KLF17: variants seen among roughly 807,000 people sequenced by gnomAD.
KLF17 encodes Krueppel-like factor 17.
A neutral mutation model predicts 34.2 loss-of-function variants in KLF17; 31 were observed. That is an observed-to-expected ratio of 0.91 (90% CI 0.68 to 1.22). The LOEUF (loss-of-function observed/expected upper bound fraction) is 1.22. Among genes scored for constraint, KLF17 ranks in the 50% most tolerant of loss-of-function variants. The pLI is 0.00. For synonymous variants in KLF17, 179 were observed against 186.7 expected (o/e 0.96, Z 0.34); for missense variants, 478 against 505.2 (o/e 0.95, Z 0.52).
At chr1:44,100,843 G>A in the KLF17 span, among the ~76,000 whole-genome samples, 6 of 152,098 alleles carry the variant, frequency 3.9e-5, 1 homozygote, top group South Asian at 6.2e-4. Context: ...TTAGACAAAA[G>A]TATAATGACA....
chr1:44,107,580 C>T, the KLF17 span, among the ~76,000 whole-genome samples: 4 of 152,236 alleles, frequency 2.6e-5, no homozygotes, highest in South Asian at 2.1e-4. Flanking sequence ...AATTCCACTC[C>T]GTCCTGCTCA....
At position 44,132,895 on chromosome 1, in the gene KLF17, G is replaced by A. The variant is rs115821865; in HGVS notation, c.*1-343G>A. Among the ~76,000 whole-genome samples the A allele has an allele frequency of 2.9e-3, 449 of 152,300 alleles. 2 individuals are homozygous for A. The highest frequency in any genetic ancestry group is 9.7e-3 in the African/African-American group (402 of 41,570). On this transcript the variant is annotated intron_variant, in intron 3 of 3. Coordinates refer to ENST00000372299, the MANE Select transcript of KLF17 (RefSeq NM_173484.4). ...GCAGGCTGTTTTACTCCAGGAAATT[G>A]ATAGAGAGAAAGGAACTTGGCCAAG...
At chr1:44,087,117 G>A in the KLF17 span, among the ~76,000 whole-genome samples, 11 of 152,270 alleles carry the variant, frequency 7.2e-5, no homozygotes, top group East Asian at 1.9e-3. Context: ...TACAGTTGAG[G>A]GTAATTGCAA....
At chr1:44,118,777 C>G (rs1161039497), upstream of KLF17, 1 of 693,516 alleles carries the variant, frequency 1.4e-6, no homozygotes, top group African/African-American at 1.9e-5. Flanking sequence ...CTGACCCCGC[C>G]CCTTGGCGCA....
the KLF17 span, chr1:44,105,613 G>A: frequency 1.3e-5 from 2 of 152,078 alleles, no homozygotes; most frequent in Non-Finnish European, 2.9e-5. Context: ...CATTTTGCAT[G>A]TATATATTTT....
At chr1:44,075,014 G>A in the KLF17 span, 1 of 152,142 alleles carries the variant, frequency 6.6e-6, no homozygotes, top group East Asian at 1.9e-4. Context: ...TATCAAGGTG[G>A]GGTGCGACGG....
At chr1:44,046,216 CT>C in the KLF17 span, 23,180 of 137,842 alleles carry the variant, frequency 0.17, 1,821 homozygotes, top group East Asian at 0.25. Context: ...GTTCTAAGCA[CT>C]TTTTTTTTTT....
chr1:44,122,492 CAA>C (rs1337787627), intron 1 of KLF17: 1 of 1,059,550 alleles, frequency 9.4e-7, no homozygotes, highest in East Asian at 2.4e-5. Flanking sequence ...TCAATTTCAT[CAA>C]AAATCTCACG....
the KLF17 span, among the ~76,000 whole-genome samples, chr1:44,099,870 A>G: frequency 8.4e-4 from 55 of 65,446 alleles, no homozygotes; most frequent in South Asian, 4.7e-3. Context: ...AGAAAGAAAG[A>G]AAGAAAGAAA....
At chr1:44,096,539 C>A in the KLF17 span, among the ~76,000 whole-genome samples, 1 of 151,712 alleles carries the variant, frequency 6.6e-6, no homozygotes, top group African/African-American at 2.4e-5. Flanking sequence ...GCTGGGACTA[C>A]AGGCGCCCAC....
At chr1:44,099,665 T>G in the KLF17 span, among the ~76,000 whole-genome samples, 1 of 147,402 alleles carries the variant, frequency 6.8e-6, no homozygotes, top group Non-Finnish European at 1.5e-5. Context: ...AGTAGAAAAA[T>G]TAGCTGGGTG....
At chr1:44,074,229 C>T in the KLF17 span, among the ~76,000 whole-genome samples, 1 of 152,066 alleles carries the variant, frequency 6.6e-6, no homozygotes, top group African/African-American at 2.4e-5. Context: ...CATCCTCACC[C>T]CATGTGTACC....
chr1:44,047,773 T>C, the KLF17 span, among the ~76,000 whole-genome samples: 2 of 152,196 alleles, frequency 1.3e-5, no homozygotes, highest in East Asian at 3.9e-4. Context: ...TAGAAACACA[T>C]GGGTAGCTTA....
chr1:44,127,810 TCTTGTG>T (rs2088045282), intron 1 of KLF17, among the ~76,000 whole-genome samples: 1 of 150,890 alleles, frequency 6.6e-6, no homozygotes, highest in Admixed American at 6.6e-5. Flanking sequence ...ATCTTTTCTT[TCTTGTG>T]TTTGATTGTT....
chr1:44,111,463 GTTT>G, the KLF17 span, among the ~76,000 whole-genome samples: 4 of 90,476 alleles, frequency 4.4e-5, no homozygotes, highest in South Asian at 4.0e-4. Flanking sequence ...TTTGCAACTT[GTTT>G]TTTTTTTTTT....
the KLF17 span, among the ~76,000 whole-genome samples, chr1:44,094,126 C>T: frequency 2.6e-5 from 4 of 152,120 alleles, no homozygotes; most frequent in Non-Finnish European, 5.9e-5. Flanking sequence ...GACTGTTGAC[C>T]ATTAGTATGT....
chr1:44,046,475 C>T, the KLF17 span, among the ~76,000 whole-genome samples: 1 of 151,600 alleles, frequency 6.6e-6, no homozygotes, highest in Non-Finnish European at 1.5e-5. Context: ...TCTTCCTTGG[C>T]CTCCCAAAGT....
the KLF17 span, among the ~76,000 whole-genome samples, chr1:44,112,596 C>T: frequency 0.043 from 6,528 of 151,970 alleles, 194 homozygotes; most frequent in South Asian, 0.093. Context: ...TTTGAAGAGA[C>T]GGGGTCTTGC....
At chr1:44,093,199 T>G in the KLF17 span, among the ~76,000 whole-genome samples, 1 of 152,022 alleles carries the variant, frequency 6.6e-6, no homozygotes, top group African/African-American at 2.4e-5. Flanking sequence ...TCTACCAACC[T>G]AAGTCCAGCT....
Sources: gnomAD v4.1 joint callset for allele counts (sites outside exome capture counted in the v4.1 genomes callset) on GRCh38, gnomAD v4.1.1 for gene constraint, MANE v1.5 for transcripts, NCBI Gene and HGNC (gene_info 2026-07-23, HGNC 2026-07-21) for gene names.